CABIN1: variants seen among roughly 807,000 people sequenced by gnomAD.
CABIN1 encodes the protein calcineurin-binding protein cabin-1.
In CABIN1, 133 loss-of-function variants were observed where a neutral mutation model predicts 227.7. That is an observed-to-expected ratio of 0.58 (90% CI 0.51 to 0.67). CABIN1 has a LOEUF of 0.67. CABIN1 is among the 30% of genes least tolerant of loss of function. The pLI is 0.00. For missense variants in CABIN1, 2,408 were observed against 2,852.5 expected (o/e 0.84, Z 3.55); for synonymous variants, 1,086 against 1,155.1 (o/e 0.94, Z 1.21).
chr22:24,141,199 G>A (rs950322840), intron 29 of CABIN1, among the ~76,000 whole-genome samples: 1 of 152,226 alleles, frequency 6.6e-6, no homozygotes, highest in Non-Finnish European at 1.5e-5. Context: ...TCAAGGCCCT[G>A]CCCTGGCTTG....
At chr22:24,158,432 C>T (rs2045963603) in intron 29 of CABIN1, among the ~76,000 whole-genome samples, 1 of 152,220 alleles carries the variant, frequency 6.6e-6, no homozygotes, top group Non-Finnish European at 1.5e-5. Context: ...GCCAGATGCT[C>T]ACCAGTAGCC....
intron 28 of CABIN1, among the ~76,000 whole-genome samples, chr22:24,122,388 G>A (rs1367228549): frequency 1.3e-5 from 2 of 152,000 alleles, no homozygotes; most frequent in Non-Finnish European, 2.9e-5. Flanking sequence ...CTGAGCCATC[G>A]CTAAGCCAAA....
At position 24,015,630 on chromosome 22, in the gene CABIN1, C is replaced by A. The variant is rs2035220700; in HGVS notation, c.-75+4263C>A. On this transcript the variant is annotated intron_variant, in intron 1 of 36. Transcript: ENST00000263119. ...AAGTGCTAGGATTACAGGCATGAGC[C>A]ACTGCGCCCGGCCCCTCATTAATTT... is the stretch of plus-strand genomic sequence containing the variant. Among the ~76,000 whole-genome samples, 6 of 151,950 alleles carry A rather than the reference C, an allele frequency of 3.9e-5. No homozygotes were observed. The South Asian group carries it at 1.2e-3, about 31-fold the overall frequency.
In CABIN1 at chr22:24,166,997, G is replaced by C. The variant is rs2046486671; in HGVS notation, c.5366G>C (p.Gly1789Ala). The C allele has an allele frequency of 6.4e-7, 1 of 1,565,674 alleles. No homozygotes were observed. The highest frequency in any genetic ancestry group is 1.9e-5 in the Admixed American group (1 of 52,644). ...CCAGGTCGCCCCGCAAGGGACCGGG[G>C]CCCCGAGAGCCGGCCCACTGAGCTG... ...LLPGRPARDR[G>A]PESRPTELSL... is the part of the protein sequence containing the mutation. The change falls in exon 32 of 37, where the codon GGC (glycine) becomes GCC (alanine). Residue 1789 changes from glycine to alanine, a missense_variant. Physicochemically the swap from Gly to Ala is moderately conservative, Grantham distance 60 (BLOSUM62 0). Coordinates refer to ENST00000263119, the MANE Select transcript of CABIN1 (RefSeq NM_012295.4).
chr22:24,135,880 G>C (rs2044365394), intron 29 of CABIN1, among the ~76,000 whole-genome samples: 1 of 152,234 alleles, frequency 6.6e-6, no homozygotes, highest in African/African-American at 2.4e-5. Flanking sequence ...GCTGGTGGGA[G>C]TGTCTGGATC....
At position 24,177,952 on chromosome 22, in the gene CABIN1, G is replaced by T; in HGVS notation, c.6520-101G>T. 1.3e-6 allele frequency: 2 copies of T among 1,559,850 alleles called. No homozygotes were observed. Among genetic ancestry groups the T allele is most frequent in the Non-Finnish European group, 1.7e-6 (2 of 1,145,784 alleles). Reference sequence around the variant, plus strand: ...TGGCATAGGGGCCTGGGGCAGGGGTGAGGGTGGGAGGGGGGCCTGGGGCAG... The same window carrying T: ...TGGCATAGGGGCCTGGGGCAGGGGTTAGGGTGGGAGGGGGGCCTGGGGCAG... On this transcript the variant is annotated intron_variant, in intron 36 of 36. Coordinates refer to ENST00000263119, the MANE Select transcript of CABIN1 (RefSeq NM_012295.4). This position sits in a 1 kb window ranked among gnomAD's most constrained non-coding sequence, Gnocchi z 4.4.
At chr22:24,060,909 A>T (rs1192442802) in intron 12 of CABIN1, among the ~76,000 whole-genome samples, 1 of 152,102 alleles carries the variant, frequency 6.6e-6, no homozygotes, top group African/African-American at 2.4e-5. Context: ...TCAAAAAAAA[A>T]AAATTTGTTT....
At chr22:24,041,044 CTGCAGCAGAGGCCAGCCTGGAAGCCA>C in intron 4 of CABIN1, 69 bp from the exon 5 acceptor site, 2 of 1,492,230 alleles carry the variant, frequency 1.3e-6, no homozygotes, top group South Asian at 1.1e-5. Context: ...GCTCAAGGGC[CTGCAGCAGAGGCCAGCCTGGAAGCCA>C]AGTATCCTGC....
chr22:24,042,445 G>C (rs2037449576), intron 5 of CABIN1, among the ~76,000 whole-genome samples: 1 of 152,146 alleles, frequency 6.6e-6, no homozygotes, highest in East Asian at 1.9e-4. Flanking sequence ...GCTAGGTGTG[G>C]TGATGTGCCT....
At chr22:24,130,670 T>C (rs2044019524) in intron 28 of CABIN1, among the ~76,000 whole-genome samples, 1 of 152,044 alleles carries the variant, frequency 6.6e-6, no homozygotes, top group Non-Finnish European at 1.5e-5. Context: ...CCCACCAGCC[T>C]GGCACCCATG....
chr22:24,116,826 T>G (rs1382767434), intron 27 of CABIN1, among the ~76,000 whole-genome samples: 1 of 152,240 alleles, frequency 6.6e-6, no homozygotes, highest in Non-Finnish European at 1.5e-5. Flanking sequence ...CTCCATGGGC[T>G]GATGTGGATC....
intron 29 of CABIN1, among the ~76,000 whole-genome samples, chr22:24,156,859 G>A (rs577558704): frequency 6.6e-5 from 10 of 152,228 alleles, no homozygotes; most frequent in Non-Finnish European, 1.5e-4. Flanking sequence ...TTCCCGGGAG[G>A]GGGAAGGGAG....
Position 24,056,285 on chromosome 22 carries a change from G to A in CABIN1, c.1187G>A (p.Arg396His). Residue 396 changes from arginine to histidine, a missense_variant, in exon 10 of 37, where the codon CGT becomes CAT. Around this residue, in one of 3 missense-constraint regions of CABIN1, gnomAD observed 1,045 missense variants for 1,168.4 expected, o/e 0.89. Coordinates refer to ENST00000263119, the MANE Select transcript of CABIN1 (RefSeq NM_012295.4). ...GAAACAGCAAAGCGGCGGTCTGCCC[G>A]TGTCCGAAACACCAAGTGCAAAAAA... ...SGETAKRRSA[R>H]VRNTKCKKEE... is the part of the protein sequence containing the mutation. The A allele has an allele frequency of 6.2e-7, 1 of 1,614,000 alleles. No individual in the cohort carries two copies. The highest frequency in any genetic ancestry group is 8.5e-7 in the Non-Finnish European group (1 of 1,179,920).
chr22:24,165,650 C>T (rs1453548300), intron 31 of CABIN1, 24 bp downstream of exon 31: 3 of 1,587,954 alleles, frequency 1.9e-6, no homozygotes, highest in Non-Finnish European at 2.6e-6. Context: ...GTCCTCCTCT[C>T]CTCCACGGCC....
chr22:24,062,907 G>A (rs546429328), intron 13 of CABIN1, 52 bp from the exon 14 acceptor site: 2 of 1,567,888 alleles, frequency 1.3e-6, no homozygotes, highest in African/African-American at 1.4e-5. Flanking sequence ...AGAAGCAGAA[G>A]GGCATTAGAA....
chr22:24,172,024 C>A (rs2046842379), intron 34 of CABIN1, 29 bp downstream of exon 34: 1 of 1,598,458 alleles, frequency 6.3e-7, no homozygotes, highest in East Asian at 2.3e-5. Flanking sequence ...CAGAGCTGGG[C>A]CCAGGCCCCT....
intron 27 of CABIN1, among the ~76,000 whole-genome samples, chr22:24,118,939 A>T (rs2043239039): frequency 6.6e-6 from 1 of 152,182 alleles, no homozygotes; most frequent in Non-Finnish European, 1.5e-5. Context: ...TGGGCTGAGC[A>T]CTGAGCAGGG....
At chr22:24,166,158 G>T (rs941167003) in intron 31 of CABIN1, among the ~76,000 whole-genome samples, 2 of 152,224 alleles carry the variant, frequency 1.3e-5, no homozygotes, top group Non-Finnish European at 2.9e-5. Flanking sequence ...ACTTGAGGCT[G>T]TTGGGGAGGA....
chr22:24,101,287 G>T (rs1042914053), intron 26 of CABIN1, among the ~76,000 whole-genome samples: 3 of 152,202 alleles, frequency 2.0e-5, no homozygotes, highest in Non-Finnish European at 4.4e-5. Context: ...ATTTAGAAAA[G>T]ATTTAGAAAA....
Sources: gnomAD v4.1 joint callset for allele counts (sites outside exome capture counted in the v4.1 genomes callset) on GRCh38, gnomAD v4.1.1 for gene constraint, gnomAD v4.1.1 regional missense constraint, Gnocchi (gnomAD v3.1) non-coding constraint, MANE v1.5 for transcripts, NCBI Gene and HGNC (gene_info 2026-07-23, HGNC 2026-07-21) for gene names.